The following KLHL5 variants were observed in gnomAD, a reference collection of about 807,000 sequenced individuals.
KLHL5 encodes the protein kelch-like protein 5.
In KLHL5, 48 loss-of-function variants were observed where a neutral mutation model predicts 77.7. That is an observed-to-expected ratio of 0.62 (90% CI 0.49 to 0.79). The LOEUF is 0.79. KLHL5 is among the 30% of genes least tolerant of loss of function. KLHL5 has a pLI of 0.00. For synonymous variants in KLHL5, 260 were observed against 297.0 expected (o/e 0.88, Z 1.28); for missense variants, 723 against 859.7 (o/e 0.84, Z 1.99).
chr4:39,115,413 G>T (rs781145011), intron 10 of KLHL5, 83 bp downstream of exon 10: 2 of 1,574,532 alleles, frequency 1.3e-6, no homozygotes, highest in East Asian at 2.3e-5. Context: ...CCTCAATCTT[G>T]TCCAATACTG....
rs1236888333 is a variant in KLHL5 at position 39,107,082 on chromosome 4, CTGT to C, written c.1526-484_1526-482del. ...TTTTTTTTTGAGACGGAGTCTCACTCTGTTGCCCAGGCTGAAGTGCAGCAGCAT... is the reference window on the plus strand; with the variant it reads ...TTTTTTTTTGAGACGGAGTCTCACTCTGCCCAGGCTGAAGTGCAGCAGCAT... On this transcript the variant is annotated intron_variant, in intron 7 of 10. Transcript: ENST00000504108. Among the ~76,000 whole-genome samples, 6 of 145,628 alleles carry C rather than the reference CTGT, an allele frequency of 4.1e-5. 1 individual carries two copies. The highest frequency in any genetic ancestry group is 4.3e-4 in the South Asian group (2 of 4,658).
chr4:39,104,804 T>C (rs1403802965), intron 7 of KLHL5, among the ~76,000 whole-genome samples: 1 of 152,156 alleles, frequency 6.6e-6, no homozygotes, highest in Non-Finnish European at 1.5e-5. Flanking sequence ...TCTCGTTCTG[T>C]TGCCAGGCTG....
At chr4:39,129,194 T>C (rs928422866), downstream of KLHL5, among the ~76,000 whole-genome samples, 2 of 148,560 alleles carry the variant, frequency 1.3e-5, no homozygotes, top group African/African-American at 2.4e-5. The surrounding 1 kb of genome is among the most constrained non-coding windows in gnomAD (Gnocchi z 4.2). Flanking sequence ...AACTTTTTTT[T>C]TTTTTTGAGA....
chr4:39,072,503 G>A (rs1718573907), intron 1 of KLHL5, among the ~76,000 whole-genome samples: 1 of 152,164 alleles, frequency 6.6e-6, no homozygotes, highest in Non-Finnish European at 1.5e-5. Flanking sequence ...TGATGGAAAT[G>A]TTCCATATCT....
At position 39,113,127 on chromosome 4, in the gene KLHL5, G is replaced by A. The variant is rs1427349298; in HGVS notation, c.1796G>A (p.Arg599Lys). The A allele has an allele frequency of 6.2e-7, 1 of 1,614,138 alleles. No individual in the cohort carries two copies. Among genetic ancestry groups the A allele is most frequent in the Non-Finnish European group, 8.5e-7 (1 of 1,179,986 alleles). Residue 599 changes from arginine (R) to lysine (K), a missense_variant, in exon 9 of 11, where the codon AGA (arginine) becomes AAA (lysine). By Grantham distance (26) the Arg-to-Lys change is conservative. This residue lies in a region of KLHL5 where 214 missense variants were observed against 237.4 expected (regional missense o/e 0.90). Transcript: ENST00000504108. ...CTGTGTGCACAGATGTCAAAAAGGAGAGGTGGCGTAGGAGTGACGACCTGG... is the reference window on the plus strand; with the variant it reads ...CTGTGTGCACAGATGTCAAAAAGGAAAGGTGGCGTAGGAGTGACGACCTGG... ...WTLCAQMSKR[R>K]GGVGVTTWNG...
At chr4:39,115,414 T>C in intron 10 of KLHL5, 84 bp downstream of exon 10, 4 of 1,574,862 alleles carry the variant, frequency 2.5e-6, no homozygotes, top group Non-Finnish European at 3.5e-6. Context: ...CTCAATCTTG[T>C]CCAATACTGA....
Position 39,062,807 on chromosome 4 carries a change from A to G in KLHL5, c.155A>G (p.Lys52Arg). Residue 52 changes from lysine to arginine, a missense_variant, in exon 1 of 11, where the codon AAG becomes AGG. By Grantham distance (26) the Lys-to-Arg change is conservative. Around this residue, in one of 3 missense-constraint regions of KLHL5, gnomAD observed 221 missense variants for 222.1 expected, o/e 1.00. Transcript: ENST00000504108. ...RGQTGANGGR[K>R]FLDPCSLQLP... ...CAGACTGGAGCAAACGGTGGGAGAAAGTTTTTAGATCCATGTAGCCTACAA... is the reference window on the plus strand; with the variant it reads ...CAGACTGGAGCAAACGGTGGGAGAAGGTTTTTAGATCCATGTAGCCTACAA... 2 of 1,614,144 alleles carry G rather than the reference A, an allele frequency of 1.2e-6. No homozygotes were observed. The highest frequency in any genetic ancestry group is 1.1e-5 in the South Asian group (1 of 91,082).
At position 39,107,577 on chromosome 4, in the gene KLHL5, G is replaced by A; in HGVS notation, c.1534G>A (p.Val512Ile). The A allele has an allele frequency of 6.2e-7, 1 of 1,609,216 alleles. No individual in the cohort carries two copies. Among genetic ancestry groups the A allele is most frequent in the South Asian group, 1.1e-5 (1 of 90,580 alleles). Residue 512 changes from valine to isoleucine, a missense_variant, in exon 8 of 11, where the codon GTA becomes ATA. Physicochemically the swap from Val to Ile is conservative, Grantham distance 29. This residue lies in a region of KLHL5 where 288 missense variants were observed against 400.3 expected (regional missense o/e 0.72). Coordinates refer to ENST00000504108, the MANE Select transcript of KLHL5 (RefSeq NM_015990.5). ...TTCCTGTCTCCTCATAGGTGTGGCT[G>A]TACTGGAAGGTCCCATGTATGCCGT... ...STHRHGLGVA[V>I]LEGPMYAVGG... is the part of the protein sequence containing the mutation.
Position 39,081,886 on chromosome 4 carries a change from T to C in KLHL5, c.704-77T>C. 9.4e-7 allele frequency: 1 copy of C among 1,062,794 alleles called. No homozygotes were observed. Among genetic ancestry groups the C allele is most frequent in the South Asian group, 1.7e-5 (1 of 57,964 alleles). 65.8% of individuals were successfully genotyped at this position (1,062,794 alleles called of 1,614,324 possible). A position where few individuals can be genotyped will look rare whatever the true frequency, so the allele number is the denominator to read the frequency against. On this transcript the variant is annotated intron_variant, in intron 3 of 10. Coordinates refer to ENST00000504108, the MANE Select transcript of KLHL5 (RefSeq NM_015990.5). This position sits in a 1 kb window ranked among gnomAD's most constrained non-coding sequence, Gnocchi z 4.3. ...GTAATGAGCTCTTATATGGAACCACTACTGTTAACATCAATTATTTTATAA... is the reference window on the plus strand; with the variant it reads ...GTAATGAGCTCTTATATGGAACCACCACTGTTAACATCAATTATTTTATAA...
chr4:39,102,998 G>A (rs571200571), intron 6 of KLHL5, among the ~76,000 whole-genome samples: 1 of 152,098 alleles, frequency 6.6e-6, no homozygotes, highest in Admixed American at 6.5e-5. Context: ...GACACTTAAC[G>A]CCTCTGCTTT....
At chr4:39,065,825 G>A (rs185229283) in intron 1 of KLHL5, among the ~76,000 whole-genome samples, 1 of 152,176 alleles carries the variant, frequency 6.6e-6, no homozygotes, top group East Asian at 1.9e-4. Context: ...CGTTTTAACC[G>A]TCATAATATT....
At chr4:39,060,089 G>A (rs1265216384), upstream of KLHL5, among the ~76,000 whole-genome samples, 2 of 152,054 alleles carry the variant, frequency 1.3e-5, no homozygotes, top group Non-Finnish European at 2.9e-5. Context: ...TTTTTTTACA[G>A]TAATGAAATA....
At chr4:39,126,638 C>G, downstream of KLHL5, 1 of 437,522 alleles carries the variant, frequency 2.3e-6, no homozygotes, top group South Asian at 1.6e-5. Context: ...CAGGTTCAAG[C>G]TGGTTCCATT....
chr4:39,045,200 G>GC, intron 1 of KLHL5: 1 of 979,614 alleles, frequency 1.0e-6, no homozygotes, highest in Non-Finnish European at 1.2e-6. Context: ...CTCCCGGAGC[G>GC]CGCGGGGCGC....
At chr4:39,085,519 G>C (rs1337472817) in intron 4 of KLHL5, among the ~76,000 whole-genome samples, 1 of 152,106 alleles carries the variant, frequency 6.6e-6, no homozygotes, top group Non-Finnish European at 1.5e-5. Flanking sequence ...AAACATTAAG[G>C]GACAATATGT....
chr4:39,086,828 G>A (rs1720083492), intron 5 of KLHL5, 101 bp downstream of exon 5: 1 of 794,420 alleles, frequency 1.3e-6, no homozygotes, highest in Non-Finnish European at 2.0e-6. Context: ...TGAAAAGATA[G>A]TGAGCTAACA....
At chr4:39,141,574 G>C in the KLHL5 span, among the ~76,000 whole-genome samples, 3 of 152,056 alleles carry the variant, frequency 2.0e-5, no homozygotes, top group African/African-American at 7.2e-5. Context: ...GCCTCCCAAA[G>C]TGCTGGGATT....
intron 8 of KLHL5, among the ~76,000 whole-genome samples, chr4:39,110,758 G>A (rs530176062): frequency 2.1e-3 from 323 of 152,236 alleles, no homozygotes; most frequent in Non-Finnish European, 3.2e-3. Flanking sequence ...GTGAGCCACC[G>A]TGCCCAGCCT....
At chr4:39,080,078 C>A (rs1413315948) in intron 2 of KLHL5, among the ~76,000 whole-genome samples, 1 of 152,104 alleles carries the variant, frequency 6.6e-6, no homozygotes, top group Non-Finnish European at 1.5e-5. Context: ...AGTGCCACTC[C>A]TGGGGAGGTA....
Sources: gnomAD v4.1 joint callset for allele counts (sites outside exome capture counted in the v4.1 genomes callset) on GRCh38, gnomAD v4.1.1 for gene constraint, gnomAD v4.1.1 regional missense constraint, Gnocchi (gnomAD v3.1) non-coding constraint, MANE v1.5 for transcripts, NCBI Gene and HGNC (gene_info 2026-07-23, HGNC 2026-07-21) for gene names.